R3HDM2: variants seen among roughly 807,000 people sequenced by gnomAD.
The protein encoded by R3HDM2 is R3H domain containing 2.
In R3HDM2, 38 loss-of-function variants were observed where a neutral mutation model predicts 124.5. That is an observed-to-expected ratio of 0.31 (90% CI 0.24 to 0.40). The LOEUF (loss-of-function observed/expected upper bound fraction) is 0.40, where lower values mean the gene tolerates loss of function less well. R3HDM2 is among the 10% of genes least tolerant of loss of function. The probability of loss-of-function intolerance (pLI) is 1.00; values close to 1 mark genes in which losing one functional copy is unlikely to be tolerated. For synonymous variants in R3HDM2, 391 were observed against 448.0 expected (o/e 0.87, Z 1.61); for missense variants, 869 against 1,236.9 (o/e 0.70, Z 4.46).
intron 1 of R3HDM2, among the ~76,000 whole-genome samples, chr12:57,414,658 A>T (rs965020498): frequency 2.0e-5 from 3 of 151,846 alleles, no homozygotes; most frequent in Non-Finnish European, 4.4e-5. Flanking sequence ...CAACATGGCA[A>T]AACCCCATCT....
In R3HDM2 at chr12:57,303,194, A is replaced by G. The variant is rs1362700076; in HGVS notation, c.189T>C (p.His63=). 6.5e-7 allele frequency: 1 copy of G among 1,530,464 alleles called. No homozygotes were observed. The highest frequency in any genetic ancestry group is 2.0e-5 in the Admixed American group (1 of 50,958). 94.8% of individuals were successfully genotyped at this position (1,530,464 alleles called of 1,614,324 possible). A position where few individuals can be genotyped will look rare whatever the true frequency, so the allele number is the denominator to read the frequency against. Reference sequence around the variant, plus strand: ...CTCTCACCTTGGCTCTTTTCCTGGCATGACCATGGTTAGATGTCCGCCTCT... The same window carrying G: ...CTCTCACCTTGGCTCTTTTCCTGGCGTGACCATGGTTAGATGTCCGCCTCT... ...ETQRRTSNHG[H]ARKRAKSNSK... The change falls in exon 4 of 24, where the codon CAT becomes CAC. Residue 63 remains histidine, a synonymous_variant. Coordinates refer to ENST00000402412, the MANE Select transcript of R3HDM2 (RefSeq NM_001394031.1).
intron 14 of R3HDM2, among the ~76,000 whole-genome samples, chr12:57,278,728 T>C (rs73338194): frequency 0.063 from 9,529 of 152,252 alleles, 409 homozygotes; most frequent in East Asian, 0.2. Flanking sequence ...GTTAGGACTA[T>C]AGAAAGAACT....
chr12:57,325,897 G>C (rs1331469051), intron 2 of R3HDM2, among the ~76,000 whole-genome samples: 1 of 151,878 alleles, frequency 6.6e-6, no homozygotes, highest in Non-Finnish European at 1.5e-5. Context: ...CCCTGTGTCA[G>C]GCAAGTCTAT....
At chr12:57,300,646 C>T (rs554316849) in intron 4 of R3HDM2, among the ~76,000 whole-genome samples, 8 of 152,050 alleles carry the variant, frequency 5.3e-5, no homozygotes, top group East Asian at 1.9e-4. Flanking sequence ...AGGAAAATGG[C>T]GATAAATACC....
intron 1 of R3HDM2, among the ~76,000 whole-genome samples, chr12:57,424,461 C>T (rs2070517694): frequency 6.6e-6 from 1 of 151,918 alleles, no homozygotes; most frequent in Non-Finnish European, 1.5e-5. Flanking sequence ...CACACCTGAC[C>T]ATATATTTCA....
intron 2 of R3HDM2, among the ~76,000 whole-genome samples, chr12:57,345,166 C>A (rs912693262): frequency 6.6e-6 from 1 of 151,662 alleles, no homozygotes; most frequent in African/African-American, 2.4e-5. Context: ...GAAAAAAAAA[C>A]CAGATCATCA....
In R3HDM2 at chr12:57,275,710, T is replaced by C. The variant is rs1001046026; in HGVS notation, c.1344+4648A>G. 2.0e-5 allele frequency among the ~76,000 whole-genome samples: 3 copies of C among 151,998 alleles called. No individual in the cohort carries two copies. In the East Asian group the frequency reaches 5.8e-4, roughly 29 times the overall value. On this transcript the variant is annotated intron_variant, in intron 14 of 23. Transcript: ENST00000402412. ...AAGATATACAAATGGCCAACAAATA[T>C]ATGAAAAAATGCTCAACATCACTAA...
chr12:57,379,192 T>C (rs2064499843), intron 2 of R3HDM2, among the ~76,000 whole-genome samples: 1 of 152,190 alleles, frequency 6.6e-6, no homozygotes, highest in Admixed American at 6.5e-5. Flanking sequence ...TTAATACCAC[T>C]GAACTGTTAA....
intron 2 of R3HDM2, among the ~76,000 whole-genome samples, chr12:57,360,741 T>C (rs967889495): frequency 4.6e-5 from 7 of 152,092 alleles, no homozygotes; most frequent in African/African-American, 1.7e-4. Context: ...GTGGCTTTTA[T>C]ATGGATGCAG....
At chr12:57,389,181 C>T (rs929114754) in intron 2 of R3HDM2, among the ~76,000 whole-genome samples, 3 of 152,178 alleles carry the variant, frequency 2.0e-5, no homozygotes, top group African/African-American at 7.2e-5. Flanking sequence ...GTGACTGATG[C>T]AGTGACTCAA....
chr12:57,429,181 G>A (rs1868936816), intron 1 of R3HDM2, among the ~76,000 whole-genome samples: 1 of 152,100 alleles, frequency 6.6e-6, no homozygotes, highest in South Asian at 2.1e-4. Context: ...GAGGCCAGGA[G>A]TTCAAAACCA....
Position 57,258,982 on chromosome 12 carries a change from A to G in R3HDM2, c.2209T>C (p.Ser737Pro). The G allele has an allele frequency of 6.2e-7, 1 of 1,613,210 alleles. No individual in the cohort carries two copies. The highest frequency in any genetic ancestry group is 8.5e-7 in the Non-Finnish European group (1 of 1,179,954). The change falls in exon 20 of 24, where the codon TCC becomes CCC. Residue 737 changes from serine to proline, a missense_variant. Around this residue, in one of 2 missense-constraint regions of R3HDM2, gnomAD observed 602 missense variants for 789.2 expected, o/e 0.76. Transcript: ENST00000402412. ...TTACAATGACTCCACTGGACCATGG[A>G]TGGGTTCTGAGGGGGCTGGGGTCCA... ...PNGPQPPQNP[S>P]MVQWSHCKYY...
intron 2 of R3HDM2, among the ~76,000 whole-genome samples, chr12:57,363,681 C>G (rs1365023793): frequency 6.6e-6 from 1 of 152,020 alleles, no homozygotes; most frequent in Non-Finnish European, 1.5e-5. Context: ...ACTATGTAAC[C>G]CATAAATATA....
At chr12:57,280,203 T>G (rs2045810376) in intron 14 of R3HDM2, among the ~76,000 whole-genome samples, 155 bp downstream of exon 14, 1 of 152,210 alleles carries the variant, frequency 6.6e-6, no homozygotes. Context: ...AAGGTTCTTC[T>G]TTCCCTACAA....
intron 1 of R3HDM2, among the ~76,000 whole-genome samples, chr12:57,417,944 T>C (rs2069809737): frequency 6.6e-6 from 1 of 152,148 alleles, no homozygotes; most frequent in South Asian, 2.1e-4. Flanking sequence ...ATGTCAACTC[T>C]CCTATCACTT....
At chr12:57,270,089 A>G in intron 14 of R3HDM2, 95 bp from the exon 15 acceptor site, 5 of 1,449,704 alleles carry the variant, frequency 3.4e-6, no homozygotes, top group Non-Finnish European at 4.7e-6. Context: ...TGCTTTTTAC[A>G]ACCTTCTTTA....
chr12:57,384,805 G>GA (rs899757905), intron 2 of R3HDM2, among the ~76,000 whole-genome samples: 4 of 151,922 alleles, frequency 2.6e-5, no homozygotes, highest in Admixed American at 6.6e-5. Context: ...GAATGGCTTA[G>GA]AAAAAAAAGA....
At chr12:57,374,640 G>A (rs1183881947) in intron 2 of R3HDM2, among the ~76,000 whole-genome samples, 11 of 120,092 alleles carry the variant, frequency 9.2e-5, no homozygotes, top group African/African-American at 3.3e-4. Flanking sequence ...CCAAGATCAC[G>A]CCATTGCACC....
At chr12:57,358,718 T>C (rs1462421448) in intron 2 of R3HDM2, among the ~76,000 whole-genome samples, 2 of 152,202 alleles carry the variant, frequency 1.3e-5, no homozygotes, top group East Asian at 1.9e-4. Context: ...TTAGTAAACA[T>C]TCTATGAATA....
Sources: allele counts gnomAD v4.1 joint callset (sites outside exome capture counted in the v4.1 genomes callset), GRCh38; gene constraint gnomAD v4.1.1; regional missense constraint gnomAD v4.1.1; transcripts MANE v1.5; gene names NCBI Gene and HGNC (gene_info 2026-07-23, HGNC 2026-07-21).